Variants in CAMTA1 observed in about 807,000 individuals in gnomAD.
CAMTA1 encodes calmodulin-binding transcription activator 1.
A neutral mutation model predicts 170.9 loss-of-function variants in CAMTA1; 27 were observed. The ratio of observed to expected loss-of-function variants is 0.16; its 90% confidence interval spans 0.12 to 0.22. The LOEUF is 0.22. Among genes scored for constraint, CAMTA1 ranks in the 10% least tolerant of loss-of-function variants. CAMTA1 has a pLI of 1.00. For missense variants in CAMTA1, 1,619 were observed against 2,217.2 expected (o/e 0.73, Z 5.42); for synonymous variants, 833 against 891.5 (o/e 0.93, Z 1.17).
intron 6 of CAMTA1, among the ~76,000 whole-genome samples, chr1:7,483,297 G>A (rs2149643863): frequency 6.6e-6 from 1 of 152,344 alleles, no homozygotes; most frequent in East Asian, 1.9e-4. Flanking sequence ...AGTTTAAGAT[G>A]CAAATTCTGC....
At chr1:7,245,325 G>C (rs1368434939) in intron 4 of CAMTA1, among the ~76,000 whole-genome samples, 1 of 150,472 alleles carries the variant, frequency 6.6e-6, no homozygotes, top group Non-Finnish European at 1.5e-5. Flanking sequence ...ATATATTTCT[G>C]TCTTATATAT....
chr1:6,920,381 T>C (rs1681744624), intron 3 of CAMTA1, among the ~76,000 whole-genome samples: 1 of 152,226 alleles, frequency 6.6e-6, no homozygotes, highest in African/African-American at 2.4e-5. Flanking sequence ...TCCGCCCCTT[T>C]GGCTTTGTAG....
At chr1:7,437,482 A>G (rs1212634887) in intron 5 of CAMTA1, among the ~76,000 whole-genome samples, 9 of 151,758 alleles carry the variant, frequency 5.9e-5, no homozygotes, top group Admixed American at 5.9e-4. Context: ...CTGTGCCCAC[A>G]CTCCCTGCCG....
At chr1:7,182,489 C>T (rs1482627967) in intron 4 of CAMTA1, among the ~76,000 whole-genome samples, 5 of 138,178 alleles carry the variant, frequency 3.6e-5, no homozygotes, top group African/African-American at 1.3e-4. Context: ...GTGAACACCC[C>T]ATCTCAGAAA....
chr1:7,364,935 G>C (rs908397006), intron 5 of CAMTA1, among the ~76,000 whole-genome samples: 2 of 152,262 alleles, frequency 1.3e-5, no homozygotes, highest in Admixed American at 1.3e-4. Flanking sequence ...GATCAGTCCA[G>C]TCAGGGGAAT....
chr1:7,272,712 A>AAAAAAAAG (rs1670017608), intron 5 of CAMTA1, among the ~76,000 whole-genome samples: 10 of 109,918 alleles, frequency 9.1e-5, no homozygotes, highest in East Asian at 2.7e-4. Flanking sequence ...AAAAAAAAAA[A>AAAAAAAAG]AAAAGAAAAG....
In CAMTA1 at chr1:7,565,507, CT is replaced by C. The variant is rs2095029335; in HGVS notation, c.511-74890del. ...CTGAGTGTCCACATCAGGGGCTGGG[CT>C]TTCCGCAGAGAGCCTGGCTCTAGGC... On this transcript the variant is annotated intron_variant, in intron 6 of 22. Coordinates refer to ENST00000303635, the MANE Select transcript of CAMTA1 (RefSeq NM_015215.4). The surrounding 1 kb of genome is among the most constrained non-coding windows in gnomAD (Gnocchi z 4.5). 6.6e-6 allele frequency among the ~76,000 whole-genome samples: 1 copy of C among 152,184 alleles called. No individual in the cohort carries two copies. Among genetic ancestry groups the C allele is most frequent in the Non-Finnish European group, 1.5e-5 (1 of 68,010 alleles).
intron 6 of CAMTA1, among the ~76,000 whole-genome samples, chr1:7,612,726 T>G (rs940638861): frequency 6.6e-6 from 1 of 152,224 alleles, no homozygotes; most frequent in Non-Finnish European, 1.5e-5. Flanking sequence ...CAGGAGACTG[T>G]GGACCACTCA....
chr1:6,844,305 C>G (rs1657061692), intron 3 of CAMTA1, among the ~76,000 whole-genome samples: 1 of 152,244 alleles, frequency 6.6e-6, no homozygotes, highest in East Asian at 1.9e-4. Context: ...GTGTGATACA[C>G]ATGCACACAT....
At chr1:6,819,471 G>A (rs1374656779) in intron 1 of CAMTA1, among the ~76,000 whole-genome samples, 1 of 152,082 alleles carries the variant, frequency 6.6e-6, no homozygotes, top group Non-Finnish European at 1.5e-5. Context: ...CATTTTTTGG[G>A]TGAGTCGGGT....
At chr1:7,723,923 A>G (rs1440731788) in intron 11 of CAMTA1, among the ~76,000 whole-genome samples, 2 of 152,122 alleles carry the variant, frequency 1.3e-5, no homozygotes, top group Non-Finnish European at 2.9e-5. Context: ...GGGTTCAAGT[A>G]ACTCTCCTGC....
intron 3 of CAMTA1, among the ~76,000 whole-genome samples, chr1:7,040,263 G>A (rs930919685): frequency 2.6e-5 from 4 of 151,726 alleles, no homozygotes; most frequent in Non-Finnish European, 5.9e-5. Context: ...TCTCTTGATA[G>A]CGTAATGCCA....
At chr1:7,666,359 G>A (rs1230168147) in intron 9 of CAMTA1, among the ~76,000 whole-genome samples, 1 of 152,066 alleles carries the variant, frequency 6.6e-6, no homozygotes, top group African/African-American at 2.4e-5. Context: ...TTCCACACAG[G>A]TCATAGGACG....
chr1:7,609,915 T>C lies in CAMTA1; in HGVS notation c.511-30485T>C, dbSNP rs6691260. ...TTACTTCACCTCTCCTGGTCTTCAT[T>C]CTCTTATTTGTGAAATGAGAGGGTA... On this transcript the variant is annotated intron_variant, in intron 6 of 22. Coordinates refer to ENST00000303635, the MANE Select transcript of CAMTA1 (RefSeq NM_015215.4). The surrounding 1 kb of genome is among the most constrained non-coding windows in gnomAD (Gnocchi z 4.4). 0.047 allele frequency among the ~76,000 whole-genome samples: 7,125 copies of C among 152,212 alleles called. 517 individuals are homozygous for C. The highest frequency in any genetic ancestry group is 0.16 in the African/African-American group (6,742 of 41,512).
chr1:6,990,155 G>A (rs1696116776), intron 3 of CAMTA1, among the ~76,000 whole-genome samples: 1 of 152,210 alleles, frequency 6.6e-6, no homozygotes. Context: ...AAGAATGGGA[G>A]AGTGGATATT....
intron 5 of CAMTA1, among the ~76,000 whole-genome samples, chr1:7,464,261 G>A (rs914255506): frequency 6.6e-6 from 1 of 152,094 alleles, no homozygotes; most frequent in Admixed American, 6.5e-5. Context: ...CACCTCACAC[G>A]CGGATTTATC....
At chr1:7,282,452 G>A (rs1287139122) in intron 5 of CAMTA1, among the ~76,000 whole-genome samples, 1 of 152,152 alleles carries the variant, frequency 6.6e-6, no homozygotes, top group Non-Finnish European at 1.5e-5. Flanking sequence ...AGGGACCAGC[G>A]ACTGCCAGTT....
At chr1:6,937,709 CCACCAT>C (rs1685683099) in intron 3 of CAMTA1, among the ~76,000 whole-genome samples, 1 of 151,642 alleles carries the variant, frequency 6.6e-6, no homozygotes, top group South Asian at 2.1e-4. Context: ...CCACTTACCA[CCACCAT>C]CACCATCACC....
intron 5 of CAMTA1, among the ~76,000 whole-genome samples, chr1:7,263,538 T>C (rs1228138280): frequency 1.3e-5 from 2 of 152,240 alleles, no homozygotes; most frequent in African/African-American, 4.8e-5. Context: ...ATTCAGTGAA[T>C]TATCCTCCGT....
Sources: gnomAD v4.1 joint callset for allele counts (sites outside exome capture counted in the v4.1 genomes callset) on GRCh38, gnomAD v4.1.1 for gene constraint, Gnocchi (gnomAD v3.1) non-coding constraint, MANE v1.5 for transcripts, NCBI Gene and HGNC (gene_info 2026-07-23, HGNC 2026-07-21) for gene names.